Variants in ZC3H12D observed in about 807,000 individuals in gnomAD.
ZC3H12D encodes the protein probable ribonuclease ZC3H12D.
In ZC3H12D, 11 loss-of-function variants were observed where a neutral mutation model predicts 24.2. The ratio of observed to expected loss-of-function variants is 0.46; its 90% confidence interval spans 0.29 to 0.75. The LOEUF is 0.75. ZC3H12D is among the 30% of genes least tolerant of loss of function. ZC3H12D has a pLI of 0.11. For missense variants in ZC3H12D, 740 were observed against 767.7 expected, an observed-to-expected ratio of 0.96 and a Z score of 0.43; for synonymous variants, 333 against 341.8, an observed-to-expected ratio of 0.97 and a Z score of 0.28.
At chr6:149,484,748 AC>A in intron 1 of ZC3H12D, 64 bp downstream of exon 1, 1 of 152,468 alleles carries the variant, frequency 6.6e-6, no homozygotes, top group Non-Finnish European at 1.5e-5. Context: ...TCTCTCCTCC[AC>A]CCCTGGACTC....
chr6:149,456,616 G>GGGGGAGGACCC lies in ZC3H12D; in HGVS notation c.680+49_680+50insGGGTCCTCCCC. 1 of 1,130,406 alleles carries GGGGGAGGACCC rather than the reference G, an allele frequency of 8.8e-7. No homozygotes were observed. The highest frequency in any genetic ancestry group is 1.3e-6 in the Non-Finnish European group (1 of 763,262). 70.0% of individuals were successfully genotyped at this position (1,130,406 alleles called of 1,614,324 possible). On this transcript the variant is annotated intron_variant, in intron 4 of 5. Coordinates refer to ENST00000409806, the MANE Select transcript of ZC3H12D (RefSeq NM_207360.3). The surrounding 1 kb of genome is among the most constrained non-coding windows in gnomAD (Gnocchi z 4.3). ...AGGCGTGGCCACTGCCTCGACCCCG[G>GGGGGAGGACCC]CCCCCCGCCCCGCCGCCCCCCAGGG...
intron 2 of ZC3H12D, among the ~76,000 whole-genome samples, chr6:149,467,943 C>T (rs1480692429): frequency 6.6e-6 from 1 of 152,094 alleles, no homozygotes; most frequent in African/African-American, 2.4e-5. Flanking sequence ...GAGAGCCAGG[C>T]CCTGGGAAAA....
intron 3 of ZC3H12D, among the ~76,000 whole-genome samples, chr6:149,461,002 G>A (rs1366536945): frequency 1.3e-5 from 2 of 152,086 alleles, no homozygotes; most frequent in African/African-American, 2.4e-5. Flanking sequence ...TAAAACTGCA[G>A]TATTCTAATA....
intron 3 of ZC3H12D, 119 bp downstream of exon 3, chr6:149,461,712 C>T: frequency 8.6e-7 from 1 of 1,156,944 alleles, no homozygotes; most frequent in Non-Finnish European, 1.2e-6. Flanking sequence ...GCTTATAGCG[C>T]AGTGAGGAAG....
At position 149,456,647 on chromosome 6, in the gene ZC3H12D, G is replaced by A. The variant is rs769156491; in HGVS notation, c.680+19C>T. The A allele has an allele frequency of 1.3e-5, 19 of 1,447,114 alleles. No individual in the cohort carries two copies. Among genetic ancestry groups the A allele is most frequent in the East Asian group, 2.4e-5 (1 of 42,076 alleles). The allele number at this position is 1,447,114 out of a possible 1,614,324, so 89.6% of individuals were successfully genotyped here. A position where few individuals can be genotyped will look rare whatever the true frequency, so the allele number is the denominator to read the frequency against. ...CGCCCCGCCGCCCCCCAGGGTGTCA[G>A]GACCCCAGCCGGACCTACCGGTCGT... On this transcript the variant is annotated intron_variant, in intron 4 of 5. Coordinates refer to ENST00000409806, the MANE Select transcript of ZC3H12D (RefSeq NM_207360.3). This position sits in a 1 kb window ranked among gnomAD's most constrained non-coding sequence, Gnocchi z 4.3.
chr6:149,451,520 G>A (rs538897826), intron 5 of ZC3H12D, 41 bp from the exon 6 acceptor site: 3 of 1,501,320 alleles, frequency 2.0e-6, no homozygotes, highest in Non-Finnish European at 2.7e-6. Flanking sequence ...CGTGAGGCCC[G>A]GGGGCGCGGA....
intron 3 of ZC3H12D, among the ~76,000 whole-genome samples, chr6:149,459,183 T>C (rs763817935): frequency 6.6e-6 from 1 of 152,200 alleles, no homozygotes; most frequent in Non-Finnish European, 1.5e-5. Flanking sequence ...AAAAATTCCT[T>C]CCCTATCCCA....
intron 2 of ZC3H12D, among the ~76,000 whole-genome samples, chr6:149,466,257 T>TC (rs1489778340): frequency 1.3e-5 from 2 of 151,382 alleles, no homozygotes; most frequent in Non-Finnish European, 2.9e-5. Flanking sequence ...ATATCAGGTC[T>TC]CAAAGGCCCC....
In ZC3H12D at chr6:149,484,873, A is replaced by G. The variant is rs955219789; in HGVS notation, c.-131T>C. 1 of 152,120 alleles carries G rather than the reference A, an allele frequency of 6.6e-6. No individual in the cohort carries two copies. The highest frequency in any genetic ancestry group is 2.4e-5 in the African/African-American group (1 of 41,406). The allele number at this position is 152,120 out of a possible 1,614,324, so 9.4% of individuals were successfully genotyped here. ...GCTGGCCCAGTCGCCAGCAGCCTTCACGCCAATGTTCTCCCGTCAGTGAGG... is the reference window on the plus strand; with the variant it reads ...GCTGGCCCAGTCGCCAGCAGCCTTCGCGCCAATGTTCTCCCGTCAGTGAGG... On this transcript the variant is annotated 5_prime_UTR_variant, in exon 1 of 6. Transcript: ENST00000409806.
intron 2 of ZC3H12D, among the ~76,000 whole-genome samples, chr6:149,470,800 A>G (rs1776231466): frequency 6.6e-6 from 1 of 152,234 alleles, no homozygotes; most frequent in Non-Finnish European, 1.5e-5. Flanking sequence ...AAAATAAAAT[A>G]TAGAAGCCAG....
chr6:149,457,658 G>T (rs2115003499), intron 3 of ZC3H12D, among the ~76,000 whole-genome samples: 1 of 152,298 alleles, frequency 6.6e-6, no homozygotes, highest in East Asian at 1.9e-4. Context: ...GCAAAAACTA[G>T]TCAAGAGGTA....
intron 2 of ZC3H12D, among the ~76,000 whole-genome samples, chr6:149,472,195 G>C (rs1011539262): frequency 6.6e-6 from 1 of 152,162 alleles, no homozygotes; most frequent in Non-Finnish European, 1.5e-5. Flanking sequence ...GCAGAGGATG[G>C]GGTGGAACCT....
intron 3 of ZC3H12D, among the ~76,000 whole-genome samples, chr6:149,460,611 G>A (rs778166933): frequency 6.6e-6 from 1 of 152,126 alleles, no homozygotes; most frequent in Non-Finnish European, 1.5e-5. Flanking sequence ...GAGGTGGGTG[G>A]ATCACCTGAG....
intron 4 of ZC3H12D, among the ~76,000 whole-genome samples, chr6:149,455,333 G>A (rs915046004): frequency 1.4e-4 from 22 of 152,126 alleles, no homozygotes; most frequent in East Asian, 1.9e-4. Flanking sequence ...TGGGCCAGGC[G>A]TGCTGGAGAC....
chr6:149,477,820 G>A (rs183447623), intron 1 of ZC3H12D, among the ~76,000 whole-genome samples: 10 of 152,310 alleles, frequency 6.6e-5, no homozygotes, highest in Admixed American at 5.2e-4. Flanking sequence ...TTCCCAAGGT[G>A]TGGTCTAGGG....
chr6:149,462,875 T>C (rs1163317905), intron 2 of ZC3H12D, among the ~76,000 whole-genome samples: 1 of 152,238 alleles, frequency 6.6e-6, no homozygotes, highest in East Asian at 1.9e-4. Context: ...GGCCACAGAC[T>C]GAAGGCTGCA....
intron 1 of ZC3H12D, among the ~76,000 whole-genome samples, chr6:149,475,792 G>A (rs944554676): frequency 6.6e-6 from 1 of 152,024 alleles, no homozygotes; most frequent in Admixed American, 6.5e-5. Context: ...CCGGGGGTTG[G>A]GGGGTGGCCT....
Position 149,450,499 on chromosome 6 carries a change from A to G in ZC3H12D, c.*184T>C. 1.6e-6 allele frequency: 1 copy of G among 611,970 alleles called. No individual in the cohort carries two copies. The highest frequency in any genetic ancestry group is 2.7e-6 in the Non-Finnish European group (1 of 370,310). 37.9% of individuals were successfully genotyped at this position (611,970 alleles called of 1,614,324 possible). ...GCAGCAGGCCCCGGCCTCAGTGAGGATCACCAAGTGCCACCAGGCCCCCAC... is the reference window on the plus strand; with the variant it reads ...GCAGCAGGCCCCGGCCTCAGTGAGGGTCACCAAGTGCCACCAGGCCCCCAC... On this transcript the variant is annotated 3_prime_UTR_variant, in exon 6 of 6. Transcript: ENST00000409806.
At chr6:149,469,789 T>G (rs547274779) in intron 2 of ZC3H12D, among the ~76,000 whole-genome samples, 47 of 152,290 alleles carry the variant, frequency 3.1e-4, no homozygotes, top group Non-Finnish European at 5.4e-4. Flanking sequence ...GCACCAGCCC[T>G]GCAGAGGGTC....
Sources: allele counts gnomAD v4.1 joint callset (sites outside exome capture counted in the v4.1 genomes callset), GRCh38; gene constraint gnomAD v4.1.1; non-coding constraint Gnocchi (gnomAD v3.1); transcripts MANE v1.5; gene names NCBI Gene and HGNC (gene_info 2026-07-23, HGNC 2026-07-21).